The following EYA4 variants were observed in gnomAD, a reference collection of about 807,000 sequenced individuals.
EYA4 encodes the protein protein phosphatase EYA4.
Under a neutral mutation model 87.9 loss-of-function variants are expected in EYA4, and 31 were observed. That is an observed-to-expected ratio of 0.35 (90% CI 0.27 to 0.48). The LOEUF (loss-of-function observed/expected upper bound fraction) is 0.48. Ranked by LOEUF, EYA4 falls within the 20% of genes least tolerant of loss-of-function variation. The pLI is 0.99. For synonymous variants in EYA4, 263 were observed against 270.6 expected, an observed-to-expected ratio of 0.97 and a Z score of 0.28; for missense variants, 678 against 761.4, an observed-to-expected ratio of 0.89 and a Z score of 1.29.
intron 17 of EYA4, among the ~76,000 whole-genome samples, chr6:133,521,407 A>G (rs1296234955): frequency 7.0e-6 from 1 of 142,550 alleles, no homozygotes; most frequent in East Asian, 2.1e-4. Flanking sequence ...AATCAAAACC[A>G]CAATGAGATA....
rs527387295 is a variant in EYA4, at chr6:133,271,128, G to A, written c.-65-3588G>A. 2.2e-4 allele frequency among the ~76,000 whole-genome samples: 33 copies of A among 152,254 alleles called. No individual in the cohort carries two copies. The South Asian group carries it at 5.8e-3, about 27-fold the overall frequency. ...CCACTTCCACTTCCACCCTTGATTC[G>A]TGAACCCGTGAATCCTGGCTATGGG... On this transcript the variant is annotated intron_variant, in intron 1 of 19. Coordinates refer to ENST00000355286, the MANE Select transcript of EYA4 (RefSeq NM_004100.5).
intron 6 of EYA4, among the ~76,000 whole-genome samples, chr6:133,457,734 A>T (rs561059212): frequency 1.3e-5 from 2 of 152,250 alleles, no homozygotes; most frequent in South Asian, 2.1e-4. Flanking sequence ...CTCTCAGGAG[A>T]TAGTTACCAG....
intron 2 of EYA4, among the ~76,000 whole-genome samples, chr6:133,379,143 A>G (rs1249172908): frequency 6.6e-6 from 1 of 152,094 alleles, no homozygotes; most frequent in Non-Finnish European, 1.5e-5. Flanking sequence ...GTGATGGTGC[A>G]TACCTGTAGA....
At chr6:133,357,020 C>T (rs1007486394) in intron 2 of EYA4, among the ~76,000 whole-genome samples, 4 of 151,662 alleles carry the variant, frequency 2.6e-5, no homozygotes, top group Admixed American at 6.6e-5. Context: ...GCCTGTAATC[C>T]CAGCACTTTG....
chr6:133,347,077 A>T (rs1340432710), intron 2 of EYA4, among the ~76,000 whole-genome samples: 3 of 152,196 alleles, frequency 2.0e-5, no homozygotes, highest in Non-Finnish European at 4.4e-5. Context: ...CAATTCTGTC[A>T]TGGGGAGGGC....
intron 11 of EYA4, among the ~76,000 whole-genome samples, chr6:133,474,797 A>G (rs1303988946): frequency 2.6e-5 from 4 of 152,184 alleles, no homozygotes; most frequent in African/African-American, 7.2e-5. Flanking sequence ...TTCAAGGGCA[A>G]GAAAAGTATT....
At chr6:133,307,292 A>C (rs1482466267) in intron 2 of EYA4, among the ~76,000 whole-genome samples, 1 of 152,236 alleles carries the variant, frequency 6.6e-6, no homozygotes, top group Non-Finnish European at 1.5e-5. Flanking sequence ...AAATCAGTGA[A>C]GTTAAACATT....
rs192962784 is a variant in EYA4, at chr6:133,276,807, C to T, written c.33+1994C>T. On this transcript the variant is annotated intron_variant, in intron 2 of 19. Transcript: ENST00000355286. Reference sequence around the variant, plus strand: ...TAAGAGGCAGAGTTAGGACTTCACACGGTTCTTCTGACTCCAAGTCCAAAG... The same window carrying T: ...TAAGAGGCAGAGTTAGGACTTCACATGGTTCTTCTGACTCCAAGTCCAAAG... Among the ~76,000 whole-genome samples the T allele has an allele frequency of 6.6e-5, 10 of 151,878 alleles. No individual in the cohort carries two copies. The East Asian group carries it at 1.4e-3, about 21-fold the overall frequency.
intron 1 of EYA4, among the ~76,000 whole-genome samples, chr6:133,249,947 T>A (rs866369906): frequency 1.3e-5 from 2 of 152,236 alleles, no homozygotes; most frequent in Middle Eastern, 3.2e-3. Flanking sequence ...TCTGTATCGC[T>A]AATGCACAGT....
At chr6:133,342,574 C>CATATAGATATAT (rs1554230226) in intron 2 of EYA4, among the ~76,000 whole-genome samples, 1 of 100,470 alleles carries the variant, frequency 1.0e-5, no homozygotes, top group Non-Finnish European at 2.0e-5. Flanking sequence ...TACACACTGC[C>CATATAGATATAT]ATATATATAT....
intron 3 of EYA4, among the ~76,000 whole-genome samples, chr6:133,427,818 CAGTTA>C (rs1790806123): frequency 6.6e-6 from 1 of 152,134 alleles, no homozygotes; most frequent in African/African-American, 2.4e-5. Flanking sequence ...CATCAAGGTT[CAGTTA>C]TAAAGCACCT....
At chr6:133,385,217 T>C (rs1786602734) in intron 3 of EYA4, among the ~76,000 whole-genome samples, 1 of 147,916 alleles carries the variant, frequency 6.8e-6, no homozygotes, top group South Asian at 2.1e-4. Flanking sequence ...GAGAATGGCG[T>C]GAACCTGGAA....
Position 133,314,539 on chromosome 6 carries a change from TTTA to T in EYA4, c.33+39732_33+39734del, listed in dbSNP as rs1405400243. Among the ~76,000 whole-genome samples the T allele has an allele frequency of 6.8e-4, 104 of 152,306 alleles. 2 individuals are homozygous for T. Among genetic ancestry groups the T allele is most frequent in the Admixed American group, 5.2e-4 (8 of 15,300 alleles). On this transcript the variant is annotated intron_variant, in intron 2 of 19. Transcript: ENST00000355286. The stretch of plus-strand genomic sequence containing the variant: ...AAACATCTATACTTGCATATTTATT[TTTA>T]TTATTCTATTTTATAGAAAGCATTA...
intron 13 of EYA4, among the ~76,000 whole-genome samples, chr6:133,489,250 C>T (rs922986634): frequency 7.3e-5 from 11 of 151,486 alleles, no homozygotes; most frequent in African/African-American, 2.7e-4. Context: ...AGCGCACCTA[C>T]AAGATCTAGA....
At chr6:133,417,498 A>G (rs1789824092) in intron 3 of EYA4, among the ~76,000 whole-genome samples, 1 of 152,182 alleles carries the variant, frequency 6.6e-6, no homozygotes, top group Non-Finnish European at 1.5e-5. Context: ...CATATATTCA[A>G]TATATGTCAA....
rs117134637 is a variant in EYA4 at position 133,426,968 on chromosome 6, G to T, written c.84-19662G>T. Among the ~76,000 whole-genome samples, 1,412 of 152,048 alleles carry T rather than the reference G, an allele frequency of 9.3e-3. 8 individuals carry two copies. The highest frequency in any genetic ancestry group is 0.02 in the Middle Eastern group (6 of 294). ...TGTACATATTTTCTCTCTATATATCGGAATCTATATTTTCCCCCCTACCCT... is the reference window on the plus strand; with the variant it reads ...TGTACATATTTTCTCTCTATATATCTGAATCTATATTTTCCCCCCTACCCT... On this transcript the variant is annotated intron_variant, in intron 3 of 19. Transcript: ENST00000355286.
intron 2 of EYA4, among the ~76,000 whole-genome samples, chr6:133,298,932 T>C (rs1387900901): frequency 6.6e-6 from 1 of 152,194 alleles, no homozygotes; most frequent in African/African-American, 2.4e-5. Flanking sequence ...TCCACAGCTC[T>C]GCTGTGGATA....
chr6:133,456,462 G>A, intron 5 of EYA4, 94 bp from the exon 6 acceptor site: 1 of 885,472 alleles, frequency 1.1e-6, no homozygotes. Flanking sequence ...TCTCTTGCAT[G>A]CCCATGGTAG....
At chr6:133,327,027 A>G (rs973273448) in intron 2 of EYA4, among the ~76,000 whole-genome samples, 3 of 152,134 alleles carry the variant, frequency 2.0e-5, no homozygotes, top group Non-Finnish European at 2.9e-5. Flanking sequence ...GCCAAAATAC[A>G]GATTCTTTTC....
Sources: allele counts gnomAD v4.1 joint callset (sites outside exome capture counted in the v4.1 genomes callset), GRCh38; gene constraint gnomAD v4.1.1; transcripts MANE v1.5; gene names NCBI Gene and HGNC (gene_info 2026-07-23, HGNC 2026-07-21).